DIAPH2: variants seen among roughly 807,000 people sequenced by gnomAD.
The protein encoded by DIAPH2 is protein diaphanous homolog 2.
Under a neutral mutation model 92.7 loss-of-function variants are expected in DIAPH2, and 35 were observed. The ratio of observed to expected loss-of-function variants is 0.38; its 90% CI spans 0.29 to 0.50. The LOEUF is 0.50. Ranked by LOEUF, DIAPH2 falls within the 20% of genes least tolerant of loss-of-function variation. The pLI is 0.94. For missense variants in DIAPH2, 701 were observed against 819.5 expected, an observed-to-expected ratio of 0.86 and a Z score of 1.77; for synonymous variants, 301 against 280.4, an observed-to-expected ratio of 1.07 and a Z score of -0.73.
At chrX:97,241,973 A>G (rs770588081) in intron 22 of DIAPH2, among the ~76,000 whole-genome samples, 258 of 108,955 alleles carry the variant, frequency 2.4e-3, no homozygotes, top group African/African-American at 8.1e-3. Context: ...ACGGGGTTTC[A>G]CCAAGTTGGC....
intron 1 of DIAPH2, among the ~76,000 whole-genome samples, chrX:96,687,093 A>T (rs2063774746): frequency 8.9e-6 from 1 of 111,767 alleles, no homozygotes; most frequent in Non-Finnish European, 1.9e-5. Context: ...CATGGCTTTC[A>T]TCAGTTTTTC....
At chrX:97,353,779 G>T (rs939993573) in intron 24 of DIAPH2, among the ~76,000 whole-genome samples, 1 of 111,180 alleles carries the variant, frequency 9.0e-6, no homozygotes, top group African/African-American at 3.3e-5. Context: ...TAATCATAGC[G>T]TTTTATGCCA....
chrX:97,121,583 T>C (rs763221658), intron 21 of DIAPH2, among the ~76,000 whole-genome samples: 1 of 112,377 alleles, frequency 8.9e-6, no homozygotes, highest in Non-Finnish European at 1.9e-5. Flanking sequence ...GTTTTTTAAG[T>C]TAGAACATTT....
At chrX:97,490,511 A>T (rs2070718454) in intron 26 of DIAPH2, among the ~76,000 whole-genome samples, 2 of 105,249 alleles carry the variant, frequency 1.9e-5, no homozygotes, top group African/African-American at 6.9e-5. Context: ...TTTATTTGAG[A>T]TCTTTCTACT....
intron 3 of DIAPH2, among the ~76,000 whole-genome samples, chrX:96,748,732 C>G (rs1186584880): frequency 3.6e-5 from 4 of 111,407 alleles, no homozygotes; most frequent in Non-Finnish European, 7.5e-5. Flanking sequence ...GTTTATTTGA[C>G]AACTCTCTAC....
chrX:97,205,096 T>A (rs747640671), intron 22 of DIAPH2, among the ~76,000 whole-genome samples: 10 of 111,641 alleles, frequency 9.0e-5, no homozygotes, highest in African/African-American at 3.3e-4. Flanking sequence ...ATTTAATAAA[T>A]GATGCTTGGA....
At chrX:97,174,269 A>G (rs957977539) in intron 22 of DIAPH2, among the ~76,000 whole-genome samples, 1 of 110,349 alleles carries the variant, frequency 9.1e-6, no homozygotes, top group African/African-American at 3.3e-5. Flanking sequence ...GTTCTCATAT[A>G]TAGTCAAAGA....
intron 11 of DIAPH2, among the ~76,000 whole-genome samples, chrX:96,938,371 T>G (rs1228478949): frequency 9.0e-6 from 1 of 111,635 alleles, no homozygotes; most frequent in Non-Finnish European, 1.9e-5. Context: ...ATATTAAATG[T>G]TTTTCATATC....
chrX:97,141,817 G>T, intron 22 of DIAPH2, 23 bp downstream of exon 22: 1 of 1,184,529 alleles, frequency 8.4e-7, no homozygotes, highest in South Asian at 1.9e-5. Context: ...TAACTACTTT[G>T]AGATTATCTC....
chrX:97,006,742 T>C (rs767043270), intron 17 of DIAPH2, among the ~76,000 whole-genome samples: 2 of 112,032 alleles, frequency 1.8e-5, no homozygotes, highest in Non-Finnish European at 3.8e-5. Context: ...TGTCTTTTGA[T>C]TGGAGAATTT....
intron 4 of DIAPH2, among the ~76,000 whole-genome samples, chrX:96,785,280 C>T (rs1484174221): frequency 9.0e-6 from 1 of 110,546 alleles, no homozygotes; most frequent in Non-Finnish European, 1.9e-5. Context: ...TCACAGAATA[C>T]CTGAGGCTGG....
intron 17 of DIAPH2, among the ~76,000 whole-genome samples, chrX:97,004,450 T>C (rs1168668286): frequency 2.7e-5 from 3 of 111,839 alleles, no homozygotes; most frequent in Non-Finnish European, 3.8e-5. Context: ...TGGAATATAT[T>C]TTAAATTTTT....
chrX:96,866,995 AG>A (rs1256940269), intron 4 of DIAPH2, among the ~76,000 whole-genome samples: 1 of 111,912 alleles, frequency 8.9e-6, no homozygotes, highest in African/African-American at 3.2e-5. Context: ...AGGTCCTTAG[AG>A]GTAAGAATGC....
rs1256160310 is a variant in DIAPH2, at chrX:97,510,342, T to G, written c.3241+80597T>G. Among the ~76,000 whole-genome samples, 8 of 111,866 alleles carry G rather than the reference T, an allele frequency of 7.2e-5. No homozygotes were observed. In the Admixed American group the frequency reaches 7.5e-4, roughly 11 times the overall value. On this transcript the variant is annotated intron_variant, in intron 26 of 26. Transcript: ENST00000324765. Reference sequence around the variant, plus strand: ...GTGTCTGTTCATATCCTTTGCCCACTTTTTGATGGTGTTGTTTGTTTTTTT... The same window carrying G: ...GTGTCTGTTCATATCCTTTGCCCACGTTTTGATGGTGTTGTTTGTTTTTTT...
At chrX:97,194,400 G>C (rs1453929684) in intron 22 of DIAPH2, among the ~76,000 whole-genome samples, 1 of 108,482 alleles carries the variant, frequency 9.2e-6, no homozygotes, top group Non-Finnish European at 1.9e-5. Flanking sequence ...TCCTGCCTCA[G>C]CCTCCCGAGT....
At chrX:97,334,998 C>CAAAAAAAAAAAAAAAAAAAAAAAAAAA (rs746536131) in intron 23 of DIAPH2, among the ~76,000 whole-genome samples, 5 of 31,464 alleles carry the variant, frequency 1.6e-4, no homozygotes, top group Non-Finnish European at 2.4e-4. Flanking sequence ...AAAAACAAAA[C>CAAAAAAAAAAAAAAAAAAAAAAAAAAA]AAAAAAAAAA....
chrX:96,870,124 T>C (rs1256347779), intron 4 of DIAPH2, among the ~76,000 whole-genome samples: 1 of 111,696 alleles, frequency 9.0e-6, no homozygotes, highest in African/African-American at 3.3e-5. Flanking sequence ...AAGACATGAC[T>C]TCTCCGTGAC....
chrX:97,412,018 T>G (rs745455557), intron 25 of DIAPH2, among the ~76,000 whole-genome samples: 23 of 111,436 alleles, frequency 2.1e-4, no homozygotes, highest in Non-Finnish European at 4.1e-4. Context: ...AACAAAGATA[T>G]CCAGGACTTG....
chrX:97,244,802 G>C (rs1373091982), intron 22 of DIAPH2, among the ~76,000 whole-genome samples: 1 of 111,978 alleles, frequency 8.9e-6, no homozygotes, highest in Non-Finnish European at 1.9e-5. Flanking sequence ...AGCAAAGTTA[G>C]CTCTCAGGCC....
Sources: gnomAD v4.1 joint callset for allele counts (sites outside exome capture counted in the v4.1 genomes callset) on GRCh38, gnomAD v4.1.1 for gene constraint, MANE v1.5 for transcripts, NCBI Gene and HGNC (gene_info 2026-07-23, HGNC 2026-07-21) for gene names.